Variants in HDAC4 observed in about 807,000 individuals in gnomAD.
HDAC4 encodes the protein histone deacetylase A.
HDAC4 carries 16 observed loss-of-function variants against 135.1 expected under a neutral mutation model. The ratio of observed to expected loss-of-function variants is 0.12; its 90% confidence interval spans 0.08 to 0.18. HDAC4 has a LOEUF of 0.18. Ranked by LOEUF, HDAC4 falls within the 10% of genes least tolerant of loss-of-function variation. The pLI is 1.00. For missense variants in HDAC4, 1,143 were observed against 1,511.8 expected, an observed-to-expected ratio of 0.76 and a Z score of 4.05; for synonymous variants, 685 against 653.4, an observed-to-expected ratio of 1.05 and a Z score of -0.74.
chr2:239,095,098 C>A (rs746976959), intron 16 of HDAC4, 42 bp from the exon 17 acceptor site: 4 of 1,611,540 alleles, frequency 2.5e-6, no homozygotes, highest in Non-Finnish European at 3.4e-6. Context: ...CAAGGGCACG[C>A]GGCCAAGGTG....
intron 7 of HDAC4, among the ~76,000 whole-genome samples, chr2:239,150,855 G>A (rs2042078009): frequency 6.8e-6 from 1 of 147,128 alleles, no homozygotes; most frequent in Non-Finnish European, 1.5e-5. Flanking sequence ...GCAGCAGGAA[G>A]TCTCACCATG....
chr2:239,082,025 A>G (rs771217017), intron 21 of HDAC4, 77 bp downstream of exon 21: 2 of 1,505,764 alleles, frequency 1.3e-6, no homozygotes, highest in Admixed American at 1.7e-5. Flanking sequence ...GCAGCTGTGG[A>G]CCGTCTGCCC....
intron 1 of HDAC4, among the ~76,000 whole-genome samples, chr2:239,396,236 A>G (rs1696551735): frequency 6.6e-6 from 1 of 151,040 alleles, no homozygotes; most frequent in African/African-American, 2.4e-5. Flanking sequence ...TTGGCCTCCC[A>G]AAGTTCTGGG....
intron 14 of HDAC4, among the ~76,000 whole-genome samples, chr2:239,110,337 G>C (rs1010056198): frequency 6.6e-6 from 1 of 152,208 alleles, no homozygotes; most frequent in East Asian, 1.9e-4. Context: ...CCAACGAAGC[G>C]GGACTCCCTG....
chr2:239,254,543 T>C (rs2125012916), intron 2 of HDAC4, among the ~76,000 whole-genome samples: 1 of 151,890 alleles, frequency 6.6e-6, no homozygotes. Context: ...ACAGATTAGA[T>C]CTAGTTAAAG....
intron 2 of HDAC4, among the ~76,000 whole-genome samples, chr2:239,261,837 C>T (rs1035401099): frequency 6.6e-6 from 1 of 152,142 alleles, no homozygotes; most frequent in East Asian, 1.9e-4. Flanking sequence ...GGCAGGAGCC[C>T]GGCAGGGACA....
rs1448868842 is a variant in HDAC4 at position 239,245,148 on chromosome 2, G to A, written c.23-8484C>T. Among the ~76,000 whole-genome samples, 1 of 152,162 alleles carries A rather than the reference G, an allele frequency of 6.6e-6. No homozygotes were observed. The highest frequency in any genetic ancestry group is 1.5e-5 in the Non-Finnish European group (1 of 68,026). ...TCCCTAAGCAATATTTTTCCTTCAG[G>A]GTAATCAGGCAGTCTTAAAATGTCA... is the stretch of plus-strand genomic sequence containing the variant. On this transcript the variant is annotated intron_variant, in intron 2 of 26. Transcript: ENST00000543185. The surrounding 1 kb of genome is among the most constrained non-coding windows in gnomAD (Gnocchi z 4.4).
rs907206214 is a variant in HDAC4, at chr2:239,264,997, G to A, written c.23-28333C>T. Among the ~76,000 whole-genome samples, 49 of 152,326 alleles carry A rather than the reference G, an allele frequency of 3.2e-4. 1 individual carries two copies. Among genetic ancestry groups the A allele is most frequent in the African/African-American group, 1.2e-3 (49 of 41,580 alleles). The stretch of plus-strand genomic sequence containing the variant: ...GGACTCTCCTGCCCCTCCCCCTGCA[G>A]AGCAGGGCAGGCCCAATGCGGGCTG... On this transcript the variant is annotated intron_variant, in intron 2 of 26. Coordinates refer to ENST00000543185, the MANE Select transcript of HDAC4 (RefSeq NM_001378414.1).
rs553140606 is a variant in HDAC4, at chr2:239,068,375, G to C, written c.2869+114C>G. 1.2e-3 allele frequency: 906 copies of C among 783,816 alleles called. 6 individuals are homozygous for C. The highest frequency in any genetic ancestry group is 1.5e-4 in the Non-Finnish European group (69 of 452,392). 48.6% of individuals were successfully genotyped at this position (783,816 alleles called of 1,614,324 possible). Reference sequence around the variant, plus strand: ...AGTACGGTCAGAACCTTGGTCATTAGTAAAAAGGTGCCCTTCCTTATCTCG... The same window carrying C: ...AGTACGGTCAGAACCTTGGTCATTACTAAAAAGGTGCCCTTCCTTATCTCG... On this transcript the variant is annotated intron_variant, in intron 23 of 26. Transcript: ENST00000543185. This position sits in a 1 kb window ranked among gnomAD's most constrained non-coding sequence, Gnocchi z 4.4.
At chr2:239,207,829 G>A (rs1437079126) in intron 3 of HDAC4, among the ~76,000 whole-genome samples, 1 of 152,186 alleles carries the variant, frequency 6.6e-6, no homozygotes, top group Non-Finnish European at 1.5e-5. Context: ...GCAAAGGGCA[G>A]GCAGGATCCT....
intron 2 of HDAC4, among the ~76,000 whole-genome samples, chr2:239,332,736 A>T (rs907873767): frequency 1.3e-5 from 2 of 151,972 alleles, no homozygotes; most frequent in Non-Finnish European, 2.9e-5. Context: ...AAGAACAGAA[A>T]TTTATTTTTT....
At chr2:239,112,213 G>C (rs1575068911) in intron 13 of HDAC4, among the ~76,000 whole-genome samples, 1 of 152,160 alleles carries the variant, frequency 6.6e-6, no homozygotes, top group Non-Finnish European at 1.5e-5. Context: ...GTAGATGTGG[G>C]GACCACAGCG....
At chr2:239,183,221 A>G (rs2044265699) in intron 4 of HDAC4, among the ~76,000 whole-genome samples, 1 of 152,258 alleles carries the variant, frequency 6.6e-6, no homozygotes, top group African/African-American at 2.4e-5. Context: ...TGAACCAAAT[A>G]TAGGAGCCCC....
intron 3 of HDAC4, among the ~76,000 whole-genome samples, chr2:239,222,797 TCTC>T (rs2307755): frequency 0.35 from 53,155 of 151,954 alleles, 11,001 homozygotes; most frequent in Non-Finnish European, 0.45. Flanking sequence ...TGCTTTGTGA[TCTC>T]CTTTCGTCCT....
intron 9 of HDAC4, among the ~76,000 whole-genome samples, chr2:239,138,792 C>A (rs3791474): frequency 3.9e-5 from 6 of 152,028 alleles, no homozygotes; most frequent in African/African-American, 1.4e-4. Flanking sequence ...GGGCCTGGCA[C>A]AAGGCGCTCG....
In HDAC4 at chr2:239,285,329, G is replaced by T. The variant is rs1489532306; in HGVS notation, c.23-48665C>A. Among the ~76,000 whole-genome samples the T allele has an allele frequency of 6.6e-6, 1 of 152,210 alleles. No homozygotes were observed. Among genetic ancestry groups the T allele is most frequent in the Non-Finnish European group, 1.5e-5 (1 of 68,042 alleles). The stretch of plus-strand genomic sequence containing the variant: ...GCGCCGCGGCTGGGCCCCCAAGTTC[G>T]CGGCTGTGCAGCGTGGCCAGAATGC... On this transcript the variant is annotated intron_variant, in intron 2 of 26. Transcript: ENST00000543185. The surrounding 1 kb of genome is among the most constrained non-coding windows in gnomAD (Gnocchi z 4.5).
intron 2 of HDAC4, among the ~76,000 whole-genome samples, chr2:239,280,717 A>C (rs2050658454): frequency 6.6e-6 from 1 of 152,072 alleles, no homozygotes; most frequent in African/African-American, 2.4e-5. Flanking sequence ...ACTCCATCCA[A>C]GTCTTGTCCC....
intron 2 of HDAC4, among the ~76,000 whole-genome samples, chr2:239,263,473 T>C (rs1019872798): frequency 2.0e-5 from 3 of 151,834 alleles, no homozygotes; most frequent in African/African-American, 7.3e-5. Context: ...TGTGGAGGCG[T>C]CCACGTCTAC....
chr2:239,098,835 A>C (rs1328949256), intron 16 of HDAC4, among the ~76,000 whole-genome samples: 1 of 152,242 alleles, frequency 6.6e-6, no homozygotes, highest in African/African-American at 2.4e-5. Flanking sequence ...CTGGGTTAGG[A>C]CAATTGTCGG....
Sources: gnomAD v4.1 joint callset for allele counts (sites outside exome capture counted in the v4.1 genomes callset) on GRCh38, gnomAD v4.1.1 for gene constraint, Gnocchi (gnomAD v3.1) non-coding constraint, MANE v1.5 for transcripts, NCBI Gene and HGNC (gene_info 2026-07-23, HGNC 2026-07-21) for gene names.